LPP: variants seen among roughly 807,000 people sequenced by gnomAD.
The protein encoded by LPP is LIM domain containing preferred translocation partner in lipoma.
A neutral mutation model predicts 60.4 loss-of-function variants in LPP; 38 were observed. The observed-to-expected ratio is 0.63, with a 90% CI of 0.49 to 0.83. The LOEUF (loss-of-function observed/expected upper bound fraction) is 0.83, where lower values mean the gene tolerates loss of function less well. LPP is among the 40% of genes least tolerant of loss of function. The probability of loss-of-function intolerance (pLI) is 0.00; values close to 1 mark genes in which losing one functional copy is unlikely to be tolerated. For synonymous variants in LPP, 328 were observed against 290.8 expected, an observed-to-expected ratio of 1.13 and a Z score of -1.30; for missense variants, 902 against 783.6, an observed-to-expected ratio of 1.15 and a Z score of -1.80.
At chr3:188,278,472 C>T (rs181742846) in intron 2 of LPP, among the ~76,000 whole-genome samples, 29 of 152,332 alleles carry the variant, frequency 1.9e-4, no homozygotes, top group East Asian at 1.4e-3. Flanking sequence ...ATATACTCTT[C>T]TGACCTCTCT....
At position 188,592,551 on chromosome 3, in the gene LPP, G is replaced by GTTTTTTTTTTTTTTTTTTTTTTTTTT. The variant is rs1553936326; in HGVS notation, c.430-16605_430-16604insTTTTTTTTTTTTTTTTTTTTTTTTTT. ...AATGAGTATCACTGTTTTTAGTTTT[G>GTTTTTTTTTTTTTTTTTTTTTTTTTT]TTTTTGTTTTTTAAATGGAGTCTCA... On this transcript the variant is annotated intron_variant, in intron 6 of 11. Transcript: ENST00000617246. Among the ~76,000 whole-genome samples the GTTTTTTTTTTTTTTTTTTTTTTTTTT allele has an allele frequency of 3.3e-4, 32 of 98,256 alleles. 3 individuals are homozygous for GTTTTTTTTTTTTTTTTTTTTTTTTTT. Among genetic ancestry groups the GTTTTTTTTTTTTTTTTTTTTTTTTTT allele is most frequent in the Non-Finnish European group, 4.8e-4 (21 of 44,204 alleles). 64.5% of individuals were successfully genotyped at this position (98,256 alleles called of 152,430 possible).
At chr3:188,516,381 G>A (rs76148645) in intron 5 of LPP, among the ~76,000 whole-genome samples, 13 of 152,100 alleles carry the variant, frequency 8.5e-5, no homozygotes, top group Admixed American at 2.0e-4. Context: ...ACCAGGATCC[G>A]TTTGGTGAGG....
chr3:188,252,072 A>G (rs1428802251), intron 2 of LPP, among the ~76,000 whole-genome samples: 3 of 107,986 alleles, frequency 2.8e-5, no homozygotes, highest in African/African-American at 1.1e-4. Context: ...ATATATATAT[A>G]TATACACACA....
rs548713805 is a variant in LPP at position 188,878,775 on chromosome 3, A to G, written c.*4296A>G. On this transcript the variant is annotated 3_prime_UTR_variant, in exon 12 of 12. Transcript: ENST00000617246. ...GTAAAAAAGTAAAAAAAAAAAAAAA[A>G]GAAAGAAAGAAAAGAAAGAGAGAGA... is the stretch of plus-strand genomic sequence containing the variant. The G allele has an allele frequency of 1.0e-3, 201 of 199,494 alleles. 2 individuals are homozygous for G. The East Asian group carries it at 0.015, about 15-fold the overall frequency. The allele number at this position is 199,494 out of a possible 1,614,324, so 12.4% of individuals were successfully genotyped here. A position where few individuals can be genotyped will look rare whatever the true frequency, so the allele number is the denominator to read the frequency against.
chr3:188,660,644 C>CTGTGTGTG (rs1217077290), intron 7 of LPP, among the ~76,000 whole-genome samples: 20,734 of 149,932 alleles, frequency 0.14, 1,462 homozygotes, highest in South Asian at 0.23. Context: ...TTCCAAAGAT[C>CTGTGTGTG]TGTGTGTGTG....
At chr3:188,305,618 C>T (rs1348547254) in intron 2 of LPP, among the ~76,000 whole-genome samples, 3 of 152,210 alleles carry the variant, frequency 2.0e-5, no homozygotes, top group Middle Eastern at 3.4e-3. Flanking sequence ...CACACACACA[C>T]GCAAAGTGAT....
intron 5 of LPP, among the ~76,000 whole-genome samples, chr3:188,517,434 T>C (rs563122867): frequency 2.0e-5 from 3 of 152,382 alleles, no homozygotes; most frequent in Non-Finnish European, 4.4e-5. Context: ...TTTGGATATC[T>C]GTCCCCTCCA....
At chr3:188,632,029 G>A (rs1847928278) in intron 7 of LPP, among the ~76,000 whole-genome samples, 1 of 152,090 alleles carries the variant, frequency 6.6e-6, no homozygotes, top group South Asian at 2.1e-4. Flanking sequence ...GTGTACATGA[G>A]GGCCCCTGAA....
At chr3:188,180,526 C>G (rs1724634418) in intron 1 of LPP, 1 of 154,382 alleles carries the variant, frequency 6.5e-6, no homozygotes, top group Non-Finnish European at 1.5e-5. Context: ...CAAACCTGAA[C>G]TTACTATGTG....
chr3:188,175,630 C>A (rs537155428), intron 1 of LPP, among the ~76,000 whole-genome samples: 2 of 152,112 alleles, frequency 1.3e-5, no homozygotes, highest in East Asian at 1.9e-4. Context: ...TGCTAATCTA[C>A]GAGTATTTCT....
At chr3:188,218,274 A>G (rs1466627140) in intron 1 of LPP, among the ~76,000 whole-genome samples, 2 of 152,204 alleles carry the variant, frequency 1.3e-5, no homozygotes, top group South Asian at 4.1e-4. Context: ...TCCTTTTAAC[A>G]GGCTGGGCTT....
At chr3:188,670,463 G>GT (rs1226973226) in intron 7 of LPP, among the ~76,000 whole-genome samples, 12 of 139,016 alleles carry the variant, frequency 8.6e-5, no homozygotes, top group South Asian at 2.3e-4. Flanking sequence ...TTTTTTTTTT[G>GT]TTTTTTTATC....
chr3:188,548,274 A>G (rs1236723996), intron 6 of LPP, among the ~76,000 whole-genome samples: 4 of 152,160 alleles, frequency 2.6e-5, no homozygotes. Context: ...CACGGTTTCC[A>G]TTCATAAACT....
intron 9 of LPP, among the ~76,000 whole-genome samples, chr3:188,850,075 T>G (rs1762376377): frequency 6.6e-6 from 1 of 152,194 alleles, no homozygotes; most frequent in Admixed American, 6.5e-5. Flanking sequence ...TAAACAGGCC[T>G]AGAGGTTGTT....
At chr3:188,464,979 GA>G (rs35304055) in intron 4 of LPP, among the ~76,000 whole-genome samples, 32,716 of 102,844 alleles carry the variant, frequency 0.32, 4,204 homozygotes, top group African/African-American at 0.47. Flanking sequence ...GCTTACTATG[GA>G]AAAAAAAAAA....
intron 2 of LPP, among the ~76,000 whole-genome samples, chr3:188,250,874 TTCAC>T (rs1729219841): frequency 6.9e-6 from 1 of 145,972 alleles, no homozygotes; most frequent in African/African-American, 2.6e-5. Flanking sequence ...TTCTTTTTCT[TTCAC>T]TCTCTCTCTC....
At chr3:188,481,755 A>G (rs1804842319) in intron 4 of LPP, among the ~76,000 whole-genome samples, 1 of 152,206 alleles carries the variant, frequency 6.6e-6, no homozygotes, top group Non-Finnish European at 1.5e-5. Context: ...ACCCAGTCAC[A>G]TCAATCACCC....
intron 4 of LPP, chr3:188,472,633 G>T (rs551052840): frequency 2.0e-5 from 3 of 152,130 alleles, no homozygotes; most frequent in Non-Finnish European, 4.4e-5. Context: ...AAGGCCCCTG[G>T]CCTCATGTAG....
chr3:188,497,503 G>GT (rs1810591756), intron 5 of LPP, among the ~76,000 whole-genome samples: 1 of 152,102 alleles, frequency 6.6e-6, no homozygotes, highest in Non-Finnish European at 1.5e-5. Context: ...TTGTGTATTT[G>GT]ATGGTATGGT....
Sources: allele counts gnomAD v4.1 joint callset (sites outside exome capture counted in the v4.1 genomes callset), GRCh38; gene constraint gnomAD v4.1.1; transcripts MANE v1.5; gene names NCBI Gene and HGNC (gene_info 2026-07-23, HGNC 2026-07-21).